AP2S1: variants seen among roughly 807,000 people sequenced by gnomAD.
The protein encoded by AP2S1 is adaptor related protein complex 2 subunit sigma 1, also known as AP-2 complex subunit sigma.
A neutral mutation model predicts 21.0 loss-of-function variants in AP2S1; 6 were observed. The ratio of observed to expected loss-of-function variants is 0.29; its 90% CI spans 0.16 to 0.56. The LOEUF (loss-of-function observed/expected upper bound fraction) is 0.56, where lower values mean the gene tolerates loss of function less well. Ranked by LOEUF, AP2S1 falls within the 20% of genes least tolerant of loss-of-function variation. The pLI is 0.92. For missense variants in AP2S1, 60 were observed against 186.2 expected (o/e 0.32, Z 3.95); for synonymous variants, 63 against 74.6 (o/e 0.84, Z 0.80).
intron 2 of AP2S1, 88 bp downstream of exon 2, chr19:46,845,905 G>A (rs1023089320): frequency 7.7e-6 from 12 of 1,561,342 alleles, no homozygotes; most frequent in Middle Eastern, 1.7e-4. Flanking sequence ...AGGGTCCAAG[G>A]GGTTCTTGCA....
At chr19:46,843,531 G>A (rs2055565685) in intron 2 of AP2S1, among the ~76,000 whole-genome samples, 1 of 152,256 alleles carries the variant, frequency 6.6e-6, no homozygotes, top group Admixed American at 6.5e-5. Context: ...AGACCAGCCT[G>A]GGCAACATGG....
At chr19:46,841,594 G>A (rs1053951788) in intron 2 of AP2S1, among the ~76,000 whole-genome samples, 1 of 152,148 alleles carries the variant, frequency 6.6e-6, no homozygotes, top group Admixed American at 6.6e-5. Flanking sequence ...CACTGTCTGG[G>A]GATGGGTCTG....
chr19:46,839,132 C>T (rs2122755497), intron 3 of AP2S1, among the ~76,000 whole-genome samples: 1 of 151,642 alleles, frequency 6.6e-6, no homozygotes, highest in Middle Eastern at 3.4e-3. Context: ...ACTAAAAATA[C>T]AAAAATTAGC....
chr19:46,850,498 CTACAACG>C (rs1332578497), intron 1 of AP2S1, among the ~76,000 whole-genome samples: 5 of 152,196 alleles, frequency 3.3e-5, no homozygotes, highest in African/African-American at 1.2e-4. Context: ...TTCCAACCAT[CTACAACG>C]TTTCCCACCT....
chr19:46,848,672 G>C (rs2055678391), intron 1 of AP2S1, among the ~76,000 whole-genome samples: 1 of 152,106 alleles, frequency 6.6e-6, no homozygotes, highest in African/African-American at 2.4e-5. Context: ...CAACTTGTGG[G>C]AGCCTTCTCT....
In AP2S1 at chr19:46,838,426, C is replaced by T. The variant is rs748096617; in HGVS notation, c.*21G>A. ...AGGCGAGTCCAGGAGGGGCCGGGGCCGGGGTGGGGCTCGCCTGCCCTCACT... is the reference window on the plus strand; with the variant it reads ...AGGCGAGTCCAGGAGGGGCCGGGGCTGGGGTGGGGCTCGCCTGCCCTCACT... On this transcript the variant is annotated 3_prime_UTR_variant, in exon 5 of 5. Coordinates refer to ENST00000263270, the MANE Select transcript of AP2S1 (RefSeq NM_004069.6). The surrounding 1 kb of genome is among the most constrained non-coding windows in gnomAD (Gnocchi z 4.1). 6 of 1,611,200 alleles carry T rather than the reference C, an allele frequency of 3.7e-6. No individual in the cohort carries two copies. Among genetic ancestry groups the T allele is most frequent in the East Asian group, 2.2e-5 (1 of 44,830 alleles).
At position 46,839,434 on chromosome 19, in the gene AP2S1, C is replaced by T. The variant is rs181763835; in HGVS notation, c.267+31G>A. ...GGCCACTCCAGGGCTGCCCACCCGC[C>T]TCCCCACCTTACATCCCTCTCCCGC... On this transcript the variant is annotated intron_variant, in intron 3 of 4. Coordinates refer to ENST00000263270, the MANE Select transcript of AP2S1 (RefSeq NM_004069.6). 9.4e-4 allele frequency: 1,423 copies of T among 1,508,182 alleles called. 34 individuals carry two copies. The Admixed American group carries it at 0.022, about 24-fold the overall frequency. The allele number at this position is 1,508,182 out of a possible 1,614,324, so 93.4% of individuals were successfully genotyped here.
intron 2 of AP2S1, among the ~76,000 whole-genome samples, chr19:46,842,508 T>C (rs1336750926): frequency 3.9e-5 from 6 of 152,142 alleles, no homozygotes; most frequent in Admixed American, 3.9e-4. Flanking sequence ...ACTGAATGAA[T>C]GGGCGGGCCT....
At chr19:46,848,871 C>T (rs1371702857) in intron 1 of AP2S1, among the ~76,000 whole-genome samples, 2 of 152,054 alleles carry the variant, frequency 1.3e-5, no homozygotes, top group Non-Finnish European at 2.9e-5. Context: ...TGCCACCATG[C>T]CCGGCTAATT....
At chr19:46,846,206 C>T (rs2055630442) in intron 1 of AP2S1, 64 bp from the exon 2 acceptor site, 1 of 1,587,742 alleles carries the variant, frequency 6.3e-7, no homozygotes, top group Non-Finnish European at 8.6e-7. Flanking sequence ...GGGTGCTGCC[C>T]AACGGCCCCA....
rs761738346 is a variant in AP2S1, at chr19:46,838,174, A to G, written c.*273T>C. ...GGGCTCAAAGACGGCAAGGCCAGGCAGGACCACAGGTTTATTGGGGACTCC... is the reference window on the plus strand; with the variant it reads ...GGGCTCAAAGACGGCAAGGCCAGGCGGGACCACAGGTTTATTGGGGACTCC... On this transcript the variant is annotated 3_prime_UTR_variant, in exon 5 of 5. Coordinates refer to ENST00000263270, the MANE Select transcript of AP2S1 (RefSeq NM_004069.6). This position sits in a 1 kb window ranked among gnomAD's most constrained non-coding sequence, Gnocchi z 4.1. 8.4e-6 allele frequency: 4 copies of G among 478,002 alleles called. No homozygotes were observed. The highest frequency in any genetic ancestry group is 1.5e-5 in the Non-Finnish European group (4 of 261,084). The allele number at this position is 478,002 out of a possible 1,614,324, so 29.6% of individuals were successfully genotyped here.
chr19:46,840,367 CAAAAAAA>C lies in AP2S1; in HGVS notation c.154-796_154-790del, dbSNP rs60907407. Among the ~76,000 whole-genome samples, 308 of 100,424 alleles carry C rather than the reference CAAAAAAA, an allele frequency of 3.1e-3. 2 individuals carry two copies. The highest frequency in any genetic ancestry group is 5.0e-3 in the Middle Eastern group (1 of 202). 65.9% of individuals were successfully genotyped at this position (100,424 alleles called of 152,430 possible). Reference sequence around the variant, plus strand: ...TATGTTCTCAATGTCAGGTTCATTACAAAAAAAAAAAAAAAAAAAATCCCAGCACTCC... The same window carrying C: ...TATGTTCTCAATGTCAGGTTCATTACAAAAAAAAAAAAATCCCAGCACTCC... On this transcript the variant is annotated intron_variant, in intron 2 of 4. Coordinates refer to ENST00000263270, the MANE Select transcript of AP2S1 (RefSeq NM_004069.6).
At position 46,838,386 on chromosome 19, in the gene AP2S1, G is replaced by T. The variant is rs994524611; in HGVS notation, c.*61C>A. The T allele has an allele frequency of 6.4e-7, 1 of 1,550,388 alleles. No homozygotes were observed. Among genetic ancestry groups the T allele is most frequent in the Non-Finnish European group, 8.9e-7 (1 of 1,124,764 alleles). On this transcript the variant is annotated 3_prime_UTR_variant, in exon 5 of 5. Transcript: ENST00000263270. The surrounding 1 kb of genome is among the most constrained non-coding windows in gnomAD (Gnocchi z 4.1). ...ACTGCTGGGTTGGCCACGGGCCTGG[G>T]AAGGGGAAGCGAGCAGGCGAGTCCA... is the stretch of plus-strand genomic sequence containing the variant.
intron 1 of AP2S1, 35 bp from the exon 2 acceptor site, chr19:46,846,177 G>C: frequency 6.2e-7 from 1 of 1,611,934 alleles, no homozygotes; most frequent in Non-Finnish European, 8.5e-7. Flanking sequence ...GGAAGTGAGA[G>C]AGGCAGAGAG....
intron 2 of AP2S1, 21 bp downstream of exon 2, chr19:46,845,972 G>C (rs779373210): frequency 6.2e-7 from 1 of 1,613,956 alleles, no homozygotes; most frequent in Non-Finnish European, 8.5e-7. Context: ...CGGGGTGCAG[G>C]AGGCATGGAG....
intron 3 of AP2S1, among the ~76,000 whole-genome samples, 179 bp downstream of exon 3, chr19:46,839,286 C>CAAAAAA (rs771792607): frequency 0.012 from 865 of 72,534 alleles, 3 homozygotes; most frequent in Non-Finnish European, 0.017. Context: ...GACTCCGTCT[C>CAAAAAA]AAAAAAAAAA....
At chr19:46,839,439 C>CCCCAAAAAAACAA in intron 3 of AP2S1, 26 bp downstream of exon 3, 1 of 1,569,710 alleles carries the variant, frequency 6.4e-7, no homozygotes, top group Non-Finnish European at 8.7e-7. Flanking sequence ...CCCGCCTCCC[C>CCCCAAAAAAACAA]ACCTTACATC....
rs761129047 is a variant in AP2S1 at position 46,850,770 on chromosome 19, G to T, written c.-4C>A. 4 of 1,586,746 alleles carry T rather than the reference G, an allele frequency of 2.5e-6. No homozygotes were observed. Among genetic ancestry groups the T allele is most frequent in the Non-Finnish European group, 3.4e-6 (4 of 1,164,346 alleles). On this transcript the variant is annotated 5_prime_UTR_variant, in exon 1 of 5. Coordinates refer to ENST00000263270, the MANE Select transcript of AP2S1 (RefSeq NM_004069.6). ...CGTAGCGCTCCCCCGTTACCATGGC[G>T]ACCCCCGTCCAGACCCCAGCGGCCC...
At chr19:46,845,369 G>A (rs1209193765) in intron 2 of AP2S1, among the ~76,000 whole-genome samples, 1 of 151,940 alleles carries the variant, frequency 6.6e-6, no homozygotes, top group East Asian at 1.9e-4. Context: ...TCATGCCACT[G>A]CACTCCAGCC....
Sources: gnomAD v4.1 joint callset for allele counts (sites outside exome capture counted in the v4.1 genomes callset) on GRCh38, gnomAD v4.1.1 for gene constraint, Gnocchi (gnomAD v3.1) non-coding constraint, MANE v1.5 for transcripts, NCBI Gene and HGNC (gene_info 2026-07-23, HGNC 2026-07-21) for gene names.